ANO9: variants seen among roughly 807,000 people sequenced by gnomAD.
ANO9 encodes the protein anoctamin-9.
ANO9 carries 80 observed loss-of-function variants against 100.5 expected under a neutral mutation model. That is an observed-to-expected ratio of 0.80 (90% confidence interval 0.66 to 0.96). ANO9 has a LOEUF of 0.96. Among genes scored for constraint, ANO9 ranks in the 40% least tolerant of loss-of-function variants. The pLI is 0.00. For synonymous variants in ANO9, 473 were observed against 435.6 expected (o/e 1.09, Z -1.07); for missense variants, 1,064 against 1,072.7 (o/e 0.99, Z 0.11).
In ANO9 at chr11:432,813, A is replaced by G. The variant is rs114039323; in HGVS notation, c.350+501T>C. On this transcript the variant is annotated intron_variant, in intron 4 of 22. Coordinates refer to ENST00000332826, the MANE Select transcript of ANO9 (RefSeq NM_001012302.3). This position sits in a 1 kb window ranked among gnomAD's most constrained non-coding sequence, Gnocchi z 4.8. ...ATGGGGCTGGGCAGGTCATGGGGGCATGGAGGGCCAGGCTTGGAGGCTCCC... is the reference window on the plus strand; with the variant it reads ...ATGGGGCTGGGCAGGTCATGGGGGCGTGGAGGGCCAGGCTTGGAGGCTCCC... 757 of 158,938 alleles carry G rather than the reference A, an allele frequency of 4.8e-3. 4 individuals are homozygous for G. The highest frequency in any genetic ancestry group is 0.017 in the African/African-American group (724 of 41,730). The allele number at this position is 158,938 out of a possible 1,614,324, so 9.8% of individuals were successfully genotyped here. A position where few individuals can be genotyped will look rare whatever the true frequency, so the allele number is the denominator to read the frequency against.
Position 430,269 on chromosome 11 carries a change from C to T in ANO9, c.674G>A (p.Ser225Asn). Residue 225 changes from serine (S) to asparagine (N), a missense_variant and splice_region_variant, in exon 8 of 23, where the codon AGC (serine) becomes AAC (asparagine). Physicochemically the swap from Ser to Asn is conservative, Grantham distance 46. Transcript: ENST00000332826. ...GFSLFEASQISKEICEAHDIL... is the reference protein window; with the variant it reads ...GFSLFEASQINKEICEAHDIL... ...ATGCCCGGCCCCTGCTGCGGCCCAC[C>T]TGATCTGGCTGGCCTCAAACAGCGA... 1 of 1,564,720 alleles carries T rather than the reference C, an allele frequency of 6.4e-7. No homozygotes were observed.
In ANO9 at chr11:422,682, G is replaced by A. The variant is rs920980711; in HGVS notation, c.1335-1484C>T. Among the ~76,000 whole-genome samples the A allele has an allele frequency of 3.3e-5, 5 of 152,228 alleles. No individual in the cohort carries two copies. Among genetic ancestry groups the A allele is most frequent in the African/African-American group, 1.2e-4 (5 of 41,454 alleles). ...CTGCTAACCCCTTAGTTTTCACCCA[G>A]TGGGACTCATCTAGGACTTGTGGCC... On this transcript the variant is annotated intron_variant, in intron 15 of 22. Coordinates refer to ENST00000332826, the MANE Select transcript of ANO9 (RefSeq NM_001012302.3). The surrounding 1 kb of genome is among the most constrained non-coding windows in gnomAD (Gnocchi z 4.3).
chr11:421,370 GCACACA>G lies in ANO9; in HGVS notation c.1335-178_1335-173del, dbSNP rs148462393. The G allele has an allele frequency of 3.0e-4, 157 of 520,402 alleles. No individual in the cohort carries two copies. Among genetic ancestry groups the G allele is most frequent in the Non-Finnish European group, 4.4e-4 (134 of 304,302 alleles). 32.2% of individuals were successfully genotyped at this position (520,402 alleles called of 1,614,324 possible). On this transcript the variant is annotated intron_variant, in intron 15 of 22. Transcript: ENST00000332826. The surrounding 1 kb of genome is among the most constrained non-coding windows in gnomAD (Gnocchi z 6.8). ...ATGAACCGCACCCGCACGTGGGCAC[GCACACA>G]CACACACACACACACAGGGGAGGCC...
intron 15 of ANO9, among the ~76,000 whole-genome samples, chr11:427,221 G>C (rs893231948): frequency 6.6e-6 from 1 of 150,436 alleles, no homozygotes; most frequent in African/African-American, 2.4e-5. Context: ...GTGGTGGTGC[G>C]CACCTGTGGT....
rs1848638120 is a variant in ANO9, at chr11:428,160, G to A, written c.1262C>T (p.Thr421Ile). The A allele has an allele frequency of 6.2e-7, 1 of 1,612,002 alleles. No homozygotes were observed. The highest frequency in any genetic ancestry group is 8.5e-7 in the Non-Finnish European group (1 of 1,179,716). Residue 421 changes from threonine (T) to isoleucine (I), a missense_variant, in exon 15 of 23, where the codon ACC becomes ATC. Transcript: ENST00000332826. ...RTFSERESRF[T>I]IRFFTLQFFT... ...GAACTGCAGTGTGAAGAAGCGGATGGTGAACCTGCTCTCTCGCTCCGAGAA... is the reference window on the plus strand; with the variant it reads ...GAACTGCAGTGTGAAGAAGCGGATGATGAACCTGCTCTCTCGCTCCGAGAA...
Position 429,822 on chromosome 11 carries a change from G to A in ANO9, c.772-4C>T. On this transcript the variant is annotated splice_polypyrimidine_tract_variant and splice_region_variant and intron_variant, in intron 9 of 22. Transcript: ENST00000332826. Reference sequence around the variant, plus strand: ...CATTGTCAAAGAGGTGGGTGAGCTGGGGGGGTGATAGGTGGGCCGGAGAGG... The same window carrying A: ...CATTGTCAAAGAGGTGGGTGAGCTGAGGGGGTGATAGGTGGGCCGGAGAGG... 6.3e-7 allele frequency: 1 copy of A among 1,599,908 alleles called. No homozygotes were observed. Among genetic ancestry groups the A allele is most frequent in the Non-Finnish European group, 8.5e-7 (1 of 1,171,548 alleles).
intron 19 of ANO9, chr11:420,230 T>G (rs1221941735): frequency 1.4e-6 from 2 of 1,419,064 alleles, no homozygotes; most frequent in South Asian, 1.5e-5. Context: ...CAAGCCCCTC[T>G]GAGATCCTGA....
intron 1 of ANO9, 112 bp from the exon 2 acceptor site, chr11:434,210 A>G (rs1315404006): frequency 2.6e-5 from 33 of 1,254,286 alleles, no homozygotes; most frequent in Non-Finnish European, 3.2e-5. Context: ...CCCTCCCCAC[A>G]AGGAGAACAG....
At position 421,002 on chromosome 11, in the gene ANO9, A is replaced by G; in HGVS notation, c.1433T>C (p.Met478Thr). ...SGCMMDLFVQ[M>T]AIIMGLKQTL... ...CTGCTTCAGGCCCATGATGATGGCCATCTGCACGAAGAGGTCCATCATGCA... is the reference window on the plus strand; with the variant it reads ...CTGCTTCAGGCCCATGATGATGGCCGTCTGCACGAAGAGGTCCATCATGCA... The change falls in exon 17 of 23, where the codon ATG becomes ACG. Residue 478 changes from methionine (M) to threonine (T), a missense_variant. Transcript: ENST00000332826. The surrounding 1 kb of genome is among the most constrained non-coding windows in gnomAD (Gnocchi z 6.8). 2 of 1,606,910 alleles carry G rather than the reference A, an allele frequency of 1.2e-6. No individual in the cohort carries two copies. The highest frequency in any genetic ancestry group is 1.1e-5 in the South Asian group (1 of 90,944).
intron 15 of ANO9, among the ~76,000 whole-genome samples, chr11:427,516 G>A (rs557859783): frequency 1.3e-5 from 2 of 151,858 alleles, no homozygotes; most frequent in East Asian, 1.9e-4. Context: ...AGGATCGCTC[G>A]AGCCCAGGAA....
At position 421,169 on chromosome 11, in the gene ANO9, C is replaced by A; in HGVS notation, c.1364G>T (p.Arg455Leu). Residue 455 changes from arginine to leucine, a missense_variant, in exon 16 of 23, where the codon CGC (arginine) becomes CTC (leucine). Arg to Leu is a moderately radical substitution (Grantham distance 102). Coordinates refer to ENST00000332826, the MANE Select transcript of ANO9 (RefSeq NM_001012302.3). This position sits in a 1 kb window ranked among gnomAD's most constrained non-coding sequence, Gnocchi z 6.8. The stretch of plus-strand genomic sequence containing the variant: ...TTCCAGCTTCCACAAGCCCGCCAGG[C>A]GCGTGGACTTCCCGGGGTGGCCGTT... ...RINGHPGKST[R>L]LAGLWKLEEC... 1 of 1,564,056 alleles carries A rather than the reference C, an allele frequency of 6.4e-7. No homozygotes were observed. The highest frequency in any genetic ancestry group is 1.2e-5 in the South Asian group (1 of 84,680).
In ANO9 at chr11:422,760, G is replaced by A. The variant is rs900395816; in HGVS notation, c.1335-1562C>T. 1.3e-5 allele frequency among the ~76,000 whole-genome samples: 2 copies of A among 151,988 alleles called. No individual in the cohort carries two copies. Among genetic ancestry groups the A allele is most frequent in the Non-Finnish European group, 2.9e-5 (2 of 68,024 alleles). ...TGTTTGAAGCCACTAAGCTGTGGTCGTTTGTTATGGTGATTTTCTTGGAAA... is the reference window on the plus strand; with the variant it reads ...TGTTTGAAGCCACTAAGCTGTGGTCATTTGTTATGGTGATTTTCTTGGAAA... On this transcript the variant is annotated intron_variant, in intron 15 of 22. Coordinates refer to ENST00000332826, the MANE Select transcript of ANO9 (RefSeq NM_001012302.3). This position sits in a 1 kb window ranked among gnomAD's most constrained non-coding sequence, Gnocchi z 4.3.
Position 431,825 on chromosome 11 carries a change from C to T in ANO9, c.465+23G>A, listed in dbSNP as rs1384099553. On this transcript the variant is annotated intron_variant, in intron 6 of 22. Coordinates refer to ENST00000332826, the MANE Select transcript of ANO9 (RefSeq NM_001012302.3). The stretch of plus-strand genomic sequence containing the variant: ...TCCCAGGGTCCCACCCCAGGGCCCT[C>T]TCCAGGCCAGCCCACCCCTCACCTT... The T allele has an allele frequency of 3.1e-6, 5 of 1,611,604 alleles. No individual in the cohort carries two copies. In the African/African-American group the frequency reaches 5.4e-5, roughly 17 times the overall value.
At chr11:420,670 C>G (rs771407816) in intron 18 of ANO9, 48 bp downstream of exon 18, 3 of 1,600,554 alleles carry the variant, frequency 1.9e-6, no homozygotes, top group Non-Finnish European at 2.6e-6. Flanking sequence ...CGCGGACCCC[C>G]GCCCCGCATT....
rs769338224 is a variant in ANO9, at chr11:418,773, C to T, written c.2077G>A (p.Glu693Lys). Residue 693 changes from glutamate (E) to lysine (K), a missense_variant, in exon 22 of 23, where the codon GAG becomes AAG. Transcript: ENST00000332826. The stretch of plus-strand genomic sequence containing the variant: ...ATGGCCAGGAGGAACCAGAACTGCT[C>T]GGAGAAGTTGTAATCGGGGGGATTG... ...YRNPPDYNFS[E>K]QFWFLLAIRL... 10 of 1,612,928 alleles carry T rather than the reference C, an allele frequency of 6.2e-6. No individual in the cohort carries two copies. Among genetic ancestry groups the T allele is most frequent in the African/African-American group, 4.0e-5 (3 of 74,862 alleles).
At position 418,446 on chromosome 11, in the gene ANO9, C is replaced by G. The variant is rs911381188; in HGVS notation, c.2274G>C (p.Gly758=). ...CAGGCATTGGGGGCCGAGAGCCTGC[C>G]CCCACCCCACCCAGCCTCTGCCTTC... is the stretch of plus-strand genomic sequence containing the variant. ...WHGRQRLGGV[G]AGSRPPMPAH... Residue 758 remains glycine (G), a synonymous_variant, in exon 23 of 23, where the codon GGG becomes GGC. Transcript: ENST00000332826. The G allele has an allele frequency of 6.2e-6, 10 of 1,612,650 alleles. No individual in the cohort carries two copies. The highest frequency in any genetic ancestry group is 1.7e-5 in the Admixed American group (1 of 59,992).
chr11:419,503 A>G, intron 20 of ANO9, 79 bp downstream of exon 20: 3 of 1,550,640 alleles, frequency 1.9e-6, no homozygotes, highest in Non-Finnish European at 2.6e-6. Flanking sequence ...TTCCCAGGAG[A>G]AAGGGTCTGG....
Position 433,710 on chromosome 11 carries a change from C to T in ANO9, c.204+105G>A, listed in dbSNP as rs1345896403. On this transcript the variant is annotated intron_variant, in intron 3 of 22. Transcript: ENST00000332826. ...CTCCGTGCCGCCATGACCGGCCCCA[C>T]AGCCCTGCCCCTCGCTGGGCACCCG... is the stretch of plus-strand genomic sequence containing the variant. 5 of 1,463,390 alleles carry T rather than the reference C, an allele frequency of 3.4e-6. No homozygotes were observed. In the African/African-American group the frequency reaches 5.7e-5, roughly 17 times the overall value. The allele number at this position is 1,463,390 out of a possible 1,614,324, so 90.7% of individuals were successfully genotyped here.
chr11:433,684 C>T (rs1170475371), intron 3 of ANO9, 131 bp downstream of exon 3: 40 of 1,437,760 alleles, frequency 2.8e-5, no homozygotes, highest in Non-Finnish European at 3.4e-5. Context: ...CAAGCCTGGC[C>T]CTCCGTGCCG....
Sources: allele counts gnomAD v4.1 joint callset (sites outside exome capture counted in the v4.1 genomes callset), GRCh38; gene constraint gnomAD v4.1.1; non-coding constraint Gnocchi (gnomAD v3.1); transcripts MANE v1.5; gene names NCBI Gene and HGNC (gene_info 2026-07-23, HGNC 2026-07-21).